BLTP2: variants seen among roughly 807,000 people sequenced by gnomAD.
BLTP2 encodes U937-associated antigen.
At chr17:28,614,983 C>T in the BLTP2 span, 6 of 1,351,580 alleles carry the variant, frequency 4.4e-6, no homozygotes, top group African/African-American at 4.4e-5. Context: ...TCGTGGATAA[C>T]GGGAAGCCCC....
the BLTP2 span, chr17:28,620,099 TG>T: frequency 1.1e-4 from 132 of 1,250,076 alleles, no homozygotes; most frequent in African/African-American, 3.2e-4. Flanking sequence ...GAGAAAGAAA[TG>T]GGGGGGGTCT....
chr17:28,633,898 GA>G, the BLTP2 span: 4 of 1,614,054 alleles, frequency 2.5e-6, no homozygotes, highest in Non-Finnish European at 3.4e-6. Context: ...TACTCACAGT[GA>G]AAGTCATGGT....
At chr17:28,635,791 GT>G in the BLTP2 span, 4 of 585,536 alleles carry the variant, frequency 6.8e-6, no homozygotes, top group African/African-American at 7.4e-5. Flanking sequence ...TGAGCTGACA[GT>G]TGATAGTGTC....
At chr17:28,629,983 T>C in the BLTP2 span, among the ~76,000 whole-genome samples, 1 of 152,104 alleles carries the variant, frequency 6.6e-6, no homozygotes, top group African/African-American at 2.4e-5. Flanking sequence ...TACCTCAGCC[T>C]CCTAAATAGC....
At chr17:28,626,058 T>C in the BLTP2 span, among the ~76,000 whole-genome samples, 2 of 152,200 alleles carry the variant, frequency 1.3e-5, no homozygotes, top group African/African-American at 4.8e-5. Context: ...CCACCATGCC[T>C]GGCCCCAGTT....
the BLTP2 span, among the ~76,000 whole-genome samples, chr17:28,625,313 T>A: frequency 9.5e-6 from 1 of 104,850 alleles, no homozygotes; most frequent in Admixed American, 1.6e-4. Context: ...TCCAGCCTGG[T>A]GACAGAGCAA....
chr17:28,642,755 C>T, the BLTP2 span: 1 of 693,216 alleles, frequency 1.4e-6, no homozygotes, highest in African/African-American at 1.8e-5. Context: ...AATGTCTAAT[C>T]TTAGCATCTC....
chr17:28,641,997 T>C, the BLTP2 span: 45 of 1,614,208 alleles, frequency 2.8e-5, 1 homozygote, highest in South Asian at 2.5e-4. Flanking sequence ...TCCACAGTGA[T>C]AGCAGTGAGA....
At chr17:28,639,116 T>C in the BLTP2 span, 3 of 615,722 alleles carry the variant, frequency 4.9e-6, 1 homozygote, top group Admixed American at 5.9e-5. Flanking sequence ...ACCGAGGACA[T>C]AAAAACAAAG....
At chr17:28,616,251 G>A in the BLTP2 span, 1 of 1,596,516 alleles carries the variant, frequency 6.3e-7, no homozygotes, top group Non-Finnish European at 8.6e-7. The surrounding 1 kb of genome is among the most constrained non-coding windows in gnomAD (Gnocchi z 4.8). Context: ...AGAAACTCAG[G>A]ACCCCAAACA....
the BLTP2 span, chr17:28,616,675 T>G: frequency 6.2e-7 from 1 of 1,614,186 alleles, no homozygotes; most frequent in Non-Finnish European, 8.5e-7. This position sits in a 1 kb window ranked among gnomAD's most constrained non-coding sequence, Gnocchi z 4.8. Flanking sequence ...TCTTCCACAC[T>G]TCGGCCAGGA....
At chr17:28,641,146 T>A in the BLTP2 span, among the ~76,000 whole-genome samples, 1 of 152,208 alleles carries the variant, frequency 6.6e-6, no homozygotes, top group African/African-American at 2.4e-5. Flanking sequence ...GTTGTCCCTG[T>A]GGGAACTCAT....
chr17:28,644,921 T>G, the BLTP2 span: 1 of 1,409,420 alleles, frequency 7.1e-7, no homozygotes, highest in African/African-American at 1.4e-5. Context: ...TCCTCAGTCT[T>G]TCTTCCTCCT....
At chr17:28,633,794 C>T in the BLTP2 span, 1 of 1,600,680 alleles carries the variant, frequency 6.2e-7, no homozygotes, top group Admixed American at 1.7e-5. Context: ...CACAACATTA[C>T]CCCTCTCTTC....
chr17:28,633,388 G>A, the BLTP2 span: 2 of 1,613,636 alleles, frequency 1.2e-6, no homozygotes, highest in Non-Finnish European at 8.5e-7. Context: ...ATTTTCAGTT[G>A]TGTTGTATGG....
At chr17:28,615,070 GC>G in the BLTP2 span, 9 of 1,613,278 alleles carry the variant, frequency 5.6e-6, no homozygotes, top group Non-Finnish European at 6.8e-6. Flanking sequence ...CAAATCATTT[GC>G]GCCTGCCAAA....
At chr17:28,635,291 G>A in the BLTP2 span, 1 of 1,614,164 alleles carries the variant, frequency 6.2e-7, no homozygotes, top group South Asian at 1.1e-5. Context: ...TATGCCTGCA[G>A]GGAACCTCCA....
chr17:28,614,792 G>C, the BLTP2 span: 2 of 264,616 alleles, frequency 7.6e-6, no homozygotes. Flanking sequence ...CCTTTCACTT[G>C]ACCCCAAGGG....
At chr17:28,626,704 G>C in the BLTP2 span, among the ~76,000 whole-genome samples, 1 of 152,222 alleles carries the variant, frequency 6.6e-6, no homozygotes, top group Non-Finnish European at 1.5e-5. Flanking sequence ...CTTCTGGATA[G>C]CTGAACACGT....
Sources: gnomAD v4.1 joint callset for allele counts (sites outside exome capture counted in the v4.1 genomes callset) on GRCh38, gnomAD v4.1.1 for gene constraint, Gnocchi (gnomAD v3.1) non-coding constraint, MANE v1.5 for transcripts, NCBI Gene and HGNC (gene_info 2026-07-23, HGNC 2026-07-21) for gene names.